ACTR3C: variants seen among roughly 807,000 people sequenced by gnomAD.
The protein encoded by ACTR3C is actin related protein 3C.
In ACTR3C, 18 loss-of-function variants were observed where a neutral mutation model predicts 26.3. The ratio of observed to expected loss-of-function variants is 0.68; its 90% CI spans 0.47 to 1.01. The LOEUF (loss-of-function observed/expected upper bound fraction) is 1.01, where lower values mean the gene tolerates loss of function less well. Ranked by LOEUF, ACTR3C falls within the 50% of genes least tolerant of loss-of-function variation. ACTR3C has a pLI of 0.00. For synonymous variants in ACTR3C, 55 were observed against 94.5 expected (o/e 0.58, Z 2.42); for missense variants, 184 against 250.7 (o/e 0.73, Z 1.80).
the ACTR3C span, among the ~76,000 whole-genome samples, chr7:150,084,906 T>C: frequency 2.8e-4 from 42 of 151,990 alleles, no homozygotes; most frequent in African/African-American, 8.9e-4. Context: ...TGGGGCTGGA[T>C]TGGTGCAGCC....
the ACTR3C span, among the ~76,000 whole-genome samples, chr7:150,107,367 A>G: frequency 6.6e-6 from 1 of 151,920 alleles, no homozygotes; most frequent in Non-Finnish European, 1.5e-5. Context: ...GGACAGCCTA[A>G]AGATGTGTTT....
chr7:149,999,093 T>C, the ACTR3C span, among the ~76,000 whole-genome samples: 49,652 of 150,178 alleles, frequency 0.33, 10,142 homozygotes, highest in Non-Finnish European at 0.4. Context: ...AGGCCTGAGC[T>C]AGAGTACCAG....
At chr7:150,151,234 C>T in the ACTR3C span, among the ~76,000 whole-genome samples, 2 of 135,266 alleles carry the variant, frequency 1.5e-5, no homozygotes, top group Non-Finnish European at 3.2e-5. Flanking sequence ...TTCTGTTTAG[C>T]TACTTAAATA....
chr7:150,308,295 C>T (rs988622807), intron 1 of ACTR3C, among the ~76,000 whole-genome samples: 1 of 152,094 alleles, frequency 6.6e-6, no homozygotes, highest in Non-Finnish European at 1.5e-5. Flanking sequence ...TTCTTAAAAA[C>T]TTAAAACCTC....
the ACTR3C span, among the ~76,000 whole-genome samples, chr7:149,925,992 G>T: frequency 1.1e-4 from 17 of 152,106 alleles, no homozygotes; most frequent in African/African-American, 3.9e-4. Context: ...GAATCCAGGA[G>T]GTGGAGGTTG....
At chr7:150,192,539 T>C in the ACTR3C span, among the ~76,000 whole-genome samples, 8 of 152,196 alleles carry the variant, frequency 5.3e-5, no homozygotes, top group Non-Finnish European at 1.2e-4. Flanking sequence ...TGGCCTCAAG[T>C]GATCCTCCCA....
chr7:150,200,004 G>A, the ACTR3C span, among the ~76,000 whole-genome samples: 2 of 152,156 alleles, frequency 1.3e-5, no homozygotes, highest in Non-Finnish European at 2.9e-5. Flanking sequence ...TAATGAGAAA[G>A]CTTTGAGATC....
chr7:150,109,443 GA>G, the ACTR3C span, among the ~76,000 whole-genome samples: 1 of 151,722 alleles, frequency 6.6e-6, no homozygotes. Context: ...CCCAATGAGA[GA>G]GGCAGGCCAG....
chr7:150,196,417 A>G, the ACTR3C span, among the ~76,000 whole-genome samples: 1 of 152,190 alleles, frequency 6.6e-6, no homozygotes, highest in Non-Finnish European at 1.5e-5. Context: ...CCACATTTAT[A>G]TTCATTTTTA....
At chr7:149,984,201 CTTT>C in the ACTR3C span, among the ~76,000 whole-genome samples, 2,968 of 145,492 alleles carry the variant, frequency 0.02, 61 homozygotes, top group South Asian at 0.057. Context: ...TGAGGGATTC[CTTT>C]TTTTTTTTTC....
At chr7:150,224,371 T>C in the ACTR3C span, among the ~76,000 whole-genome samples, 195 of 152,338 alleles carry the variant, frequency 1.3e-3, no homozygotes, top group African/African-American at 4.5e-3. Flanking sequence ...CAGCTCAAAG[T>C]CTAGAATTCT....
At chr7:150,195,121 A>ATG in the ACTR3C span, among the ~76,000 whole-genome samples, 84 of 127,746 alleles carry the variant, frequency 6.6e-4, no homozygotes, top group Non-Finnish European at 1.2e-3. Context: ...ATATATATAT[A>ATG]TGTATATATA....
At chr7:150,011,953 GGTAA>G in the ACTR3C span, among the ~76,000 whole-genome samples, 1 of 151,614 alleles carries the variant, frequency 6.6e-6, no homozygotes, top group Non-Finnish European at 1.5e-5. Context: ...GACAGTGAAC[GGTAA>G]AGGCCAATTG....
At chr7:150,209,523 GGT>G in the ACTR3C span, among the ~76,000 whole-genome samples, 194 of 150,772 alleles carry the variant, frequency 1.3e-3, no homozygotes, top group African/African-American at 4.7e-3. Context: ...ATTTTCATAT[GGT>G]GTTAGGATAT....
chr7:150,043,932 A>G, the ACTR3C span, among the ~76,000 whole-genome samples: 1 of 152,214 alleles, frequency 6.6e-6, no homozygotes, highest in African/African-American at 2.4e-5. Flanking sequence ...GGTGGAGGAA[A>G]AAAGATTGGT....
chr7:150,154,129 C>A, the ACTR3C span, among the ~76,000 whole-genome samples: 1 of 146,940 alleles, frequency 6.8e-6, no homozygotes, highest in Admixed American at 6.7e-5. Flanking sequence ...TGCTAAATGA[C>A]GAGTTAATGG....
chr7:150,065,175 GA>G, the ACTR3C span, among the ~76,000 whole-genome samples: 1 of 152,028 alleles, frequency 6.6e-6, no homozygotes, highest in Non-Finnish European at 1.5e-5. Flanking sequence ...TTCCTGCAAG[GA>G]AAAAATTGCA....
chr7:150,319,717 A>G (rs568841730), intron 1 of ACTR3C, among the ~76,000 whole-genome samples: 3 of 152,276 alleles, frequency 2.0e-5, no homozygotes, highest in East Asian at 3.9e-4. Flanking sequence ...TGCATTTTAA[A>G]ACACTGTTGG....
chr7:150,042,023 A>G, the ACTR3C span, among the ~76,000 whole-genome samples: 1 of 119,694 alleles, frequency 8.4e-6, no homozygotes, highest in Admixed American at 9.2e-5. Flanking sequence ...GTGGGTCCTA[A>G]GGATCTTAGG....
Sources: allele counts gnomAD v4.1 joint callset (sites outside exome capture counted in the v4.1 genomes callset), GRCh38; gene constraint gnomAD v4.1.1; transcripts MANE v1.5; gene names NCBI Gene and HGNC (gene_info 2026-07-23, HGNC 2026-07-21).